The following ANO4 variants were observed in gnomAD, a reference collection of about 807,000 sequenced individuals.
The protein encoded by ANO4 is anoctamin 4.
ANO4 carries 69 observed loss-of-function variants against 141.9 expected under a neutral mutation model. The observed-to-expected ratio is 0.49, with a 90% CI of 0.40 to 0.59. The LOEUF (loss-of-function observed/expected upper bound fraction) is 0.59. ANO4 is among the 20% of genes least tolerant of loss of function. ANO4 has a pLI of 0.00. For synonymous variants in ANO4, 350 were observed against 394.3 expected (o/e 0.89, Z 1.33); for missense variants, 894 against 1,162.2 (o/e 0.77, Z 3.36).
chr12:100,718,524 A>C (rs1469705488), intron 1 of ANO4, among the ~76,000 whole-genome samples: 1 of 152,150 alleles, frequency 6.6e-6, no homozygotes, highest in Non-Finnish European at 1.5e-5. Flanking sequence ...TTTGGTGTGG[A>C]ATCTTCATTC....
chr12:100,884,556 C>CA (rs1469794879), intron 1 of ANO4, among the ~76,000 whole-genome samples: 5 of 152,294 alleles, frequency 3.3e-5, no homozygotes, highest in East Asian at 1.9e-4. Flanking sequence ...ACCACACACT[C>CA]AGTGCCTTAA....
intron 3 of ANO4, among the ~76,000 whole-genome samples, chr12:100,772,383 C>A (rs1327239578): frequency 1.3e-5 from 2 of 152,224 alleles, no homozygotes; most frequent in East Asian, 3.9e-4. Flanking sequence ...TCTTTAAATG[C>A]CTCTACTGCT....
At chr12:101,099,344 C>T (rs969740469) in intron 21 of ANO4, among the ~76,000 whole-genome samples, 3 of 152,192 alleles carry the variant, frequency 2.0e-5, no homozygotes, top group African/African-American at 7.2e-5. Flanking sequence ...CAACATGAGA[C>T]AGTTTCATGA....
intron 15 of ANO4, among the ~76,000 whole-genome samples, chr12:101,081,031 A>ATG (rs59054457): frequency 0.19 from 28,756 of 147,996 alleles, 3,483 homozygotes; most frequent in East Asian, 0.54. Flanking sequence ...GAGTGTGTGT[A>ATG]TGTGTGTGTG....
intron 1 of ANO4, among the ~76,000 whole-genome samples, chr12:100,878,127 T>C (rs914653325): frequency 6.6e-6 from 1 of 152,144 alleles, no homozygotes; most frequent in Non-Finnish European, 1.5e-5. Context: ...GAAGATATGC[T>C]CATGGGATAG....
In ANO4 at chr12:101,097,657, A is replaced by G. The variant is rs1053754362; in HGVS notation, c.1857A>G (p.Thr619=). The G allele has an allele frequency of 5.6e-6, 9 of 1,613,710 alleles. No homozygotes were observed. In the East Asian group the frequency reaches 1.1e-4, roughly 20 times the overall value. The part of the protein sequence containing the change: ...FYIAFFLGRF[T]GHPGAYLRLI... ...TTTTCTCTGTGTGTTGAAGATTTACAGGACACCCAGGTGCCTACTTGAGGC... is the reference window on the plus strand; with the variant it reads ...TTTTCTCTGTGTGTTGAAGATTTACGGGACACCCAGGTGCCTACTTGAGGC... The change falls in exon 20 of 28, where the codon ACA becomes ACG. Residue 619 remains threonine (T), a synonymous_variant. Coordinates refer to ENST00000392977, the MANE Select transcript of ANO4 (RefSeq NM_001286615.2).
intron 11 of ANO4, among the ~76,000 whole-genome samples, chr12:101,041,250 C>T (rs1326960436): frequency 1.3e-5 from 2 of 152,138 alleles, no homozygotes; most frequent in African/African-American, 4.8e-5. Context: ...ATATTTGAGC[C>T]CTTATCACCA....
intron 3 of ANO4, among the ~76,000 whole-genome samples, chr12:100,759,856 A>G (rs1432345165): frequency 6.6e-6 from 1 of 152,154 alleles, no homozygotes; most frequent in Non-Finnish European, 1.5e-5. Context: ...TTCCCCCCAT[A>G]TAAAGACTTT....
intron 2 of ANO4, among the ~76,000 whole-genome samples, chr12:100,920,421 T>G (rs572552667): frequency 1.8e-4 from 27 of 148,540 alleles, no homozygotes; most frequent in Admixed American, 1.2e-3. Flanking sequence ...ATATTTTTGT[T>G]ATTTTTCTGT....
In ANO4 at chr12:101,048,359, A is replaced by T; in HGVS notation, c.1270A>T (p.Asn424Tyr). The change falls in exon 14 of 28, where the codon AAT becomes TAT. Residue 424 changes from asparagine (N) to tyrosine (Y), a missense_variant. By Grantham distance (143) the Asn-to-Tyr change is moderately radical. This residue lies in a region of ANO4 where 637 missense variants were observed against 909.2 expected (regional missense o/e 0.70). Transcript: ENST00000392977. ...VYAKVTHLFD[N>Y]GATVFFAVFM... ...TTCACAGGTAACCCACCTTTTTGAC[A>T]ATGGAGCCACTGTCTTCTTTGCTGT... The T allele has an allele frequency of 1.2e-6, 2 of 1,613,794 alleles. No individual in the cohort carries two copies. Among genetic ancestry groups the T allele is most frequent in the Non-Finnish European group, 1.7e-6 (2 of 1,179,788 alleles).
intron 1 of ANO4, among the ~76,000 whole-genome samples, chr12:100,733,438 C>T (rs987446231): frequency 6.6e-6 from 1 of 152,148 alleles, no homozygotes; most frequent in African/African-American, 2.4e-5. Flanking sequence ...ACTCTTTAGT[C>T]TATAGTCTGG....
At chr12:100,962,528 TAATCAGGATCCCTCC>T (rs1460422284) in intron 5 of ANO4, among the ~76,000 whole-genome samples, 1 of 152,232 alleles carries the variant, frequency 6.6e-6, no homozygotes, top group Non-Finnish European at 1.5e-5. Flanking sequence ...CTGTGTCCTC[TAATCAGGATCCCTCC>T]AAGGCCACCC....
chr12:100,989,119 G>A (rs577994437), intron 8 of ANO4, among the ~76,000 whole-genome samples: 71 of 152,144 alleles, frequency 4.7e-4, no homozygotes, highest in Non-Finnish European at 9.0e-4. Context: ...AAATAGCCGA[G>A]CTGATCCCCA....
chr12:100,870,188 G>A (rs772314105), intron 1 of ANO4, among the ~76,000 whole-genome samples: 1 of 152,090 alleles, frequency 6.6e-6, no homozygotes, highest in Non-Finnish European at 1.5e-5. Context: ...AAAGAAGCTG[G>A]GATCCTAAGT....
chr12:100,865,104 G>A (rs2038686562), intron 1 of ANO4, among the ~76,000 whole-genome samples: 2 of 152,172 alleles, frequency 1.3e-5, no homozygotes, highest in South Asian at 2.1e-4. Flanking sequence ...GTGTGCATGT[G>A]TCTTTATAGT....
intron 9 of ANO4, among the ~76,000 whole-genome samples, chr12:101,023,064 A>G (rs1347948867): frequency 1.3e-5 from 2 of 152,216 alleles, no homozygotes; most frequent in Non-Finnish European, 2.9e-5. Flanking sequence ...CATCTGGATA[A>G]TAAGATCCTT....
At chr12:101,013,461 T>C (rs1369409650) in intron 8 of ANO4, among the ~76,000 whole-genome samples, 1 of 152,122 alleles carries the variant, frequency 6.6e-6, no homozygotes, top group Non-Finnish European at 1.5e-5. Flanking sequence ...AACCTACACA[T>C]AGTCCTGTAG....
At chr12:100,842,628 C>T (rs952205523) in intron 1 of ANO4, among the ~76,000 whole-genome samples, 9 of 152,066 alleles carry the variant, frequency 5.9e-5, no homozygotes, top group South Asian at 2.1e-4. Context: ...AAATTTGTTT[C>T]TCCCAGTTCT....
intron 1 of ANO4, among the ~76,000 whole-genome samples, chr12:100,800,064 G>A (rs2034588169): frequency 1.3e-5 from 2 of 152,134 alleles, no homozygotes; most frequent in African/African-American, 2.4e-5. Flanking sequence ...TCAAGCAAAT[G>A]TTTATGGTAA....
Sources: allele counts gnomAD v4.1 joint callset (sites outside exome capture counted in the v4.1 genomes callset), GRCh38; gene constraint gnomAD v4.1.1; regional missense constraint gnomAD v4.1.1; transcripts MANE v1.5; gene names NCBI Gene and HGNC (gene_info 2026-07-23, HGNC 2026-07-21).